COL5A1: variants seen among roughly 807,000 people sequenced by gnomAD.
The protein encoded by COL5A1 is collagen type V alpha 1 chain, also known as collagen alpha-1(V) chain.
COL5A1 carries 16 observed loss-of-function variants against 263.7 expected under a neutral mutation model. The observed-to-expected ratio is 0.06, with a 90% CI of 0.04 to 0.09. COL5A1 has a LOEUF of 0.09. Among genes scored for constraint, COL5A1 ranks in the 10% least tolerant of loss-of-function variants. The pLI is 1.00. For synonymous variants in COL5A1, 1,012 were observed against 1,004.5 expected (o/e 1.01, Z -0.14); for missense variants, 2,036 against 2,540.5 (o/e 0.80, Z 4.27).
intron 25 of COL5A1, 73 bp from the exon 26 acceptor site, chr9:134,772,717 G>T (rs190255610): frequency 2.8e-6 from 4 of 1,441,318 alleles, no homozygotes; most frequent in African/African-American, 1.4e-5. Flanking sequence ...TGGATGCTAC[G>T]CAGGGAGGGG....
In COL5A1 at chr9:134,818,818, C is replaced by T. The variant is rs1209945165; in HGVS notation, c.4339-30C>T. 1.2e-6 allele frequency: 2 copies of T among 1,612,934 alleles called. No homozygotes were observed. The highest frequency in any genetic ancestry group is 8.5e-7 in the Non-Finnish European group (1 of 1,179,706). ...GCCGAGTGGAGGGACGGGGGACCAG[C>T]AACTCATGCAGAGCGTCTCTGTGTT... On this transcript the variant is annotated intron_variant, in intron 55 of 65. Coordinates refer to ENST00000371817, the MANE Select transcript of COL5A1 (RefSeq NM_000093.5). This position sits in a 1 kb window ranked among gnomAD's most constrained non-coding sequence, Gnocchi z 6.0.
intron 1 of COL5A1, among the ~76,000 whole-genome samples, chr9:134,658,849 G>A (rs771095949): frequency 5.3e-5 from 8 of 152,200 alleles, no homozygotes; most frequent in Admixed American, 6.5e-5. Flanking sequence ...TCCGGAGCCC[G>A]GAAACTGAAA....
intron 42 of COL5A1, among the ~76,000 whole-genome samples, chr9:134,807,911 A>G (rs1266307942): frequency 1.3e-5 from 2 of 152,128 alleles, no homozygotes; most frequent in South Asian, 2.1e-4. Flanking sequence ...GAAACCTTGC[A>G]AGAGTTGCTC....
At chr9:134,808,363 A>C (rs1293536236) in intron 42 of COL5A1, among the ~76,000 whole-genome samples, 1 of 152,176 alleles carries the variant, frequency 6.6e-6, no homozygotes, top group South Asian at 2.1e-4. Flanking sequence ...GCAAGAACTT[A>C]AGAAGGATCA....
At chr9:134,711,840 G>A (rs868379018) in intron 4 of COL5A1, among the ~76,000 whole-genome samples, 3 of 151,894 alleles carry the variant, frequency 2.0e-5, no homozygotes, top group Admixed American at 6.6e-5. Context: ...CCCTTTCAGC[G>A]TCTCGTTCTC....
At chr9:134,785,776 G>A (rs1055714072) in intron 30 of COL5A1, among the ~76,000 whole-genome samples, 2 of 152,146 alleles carry the variant, frequency 1.3e-5, no homozygotes, top group African/African-American at 2.4e-5. Flanking sequence ...CTTCTTCCTC[G>A]GTGCAGGGAC....
rs1432525695 is a variant in COL5A1, at chr9:134,756,806, A to C, written c.1869A>C (p.Gln623His). ...ATGGAGCCAGAGGAATGCCTGGACA[A>C]ACTGGCCCCAAGGTAGGTCACCCAC... ...GSDGARGMPG[Q>H]TGPKGDRGFD... is the part of the protein sequence containing the mutation. The change falls in exon 17 of 66, where the codon CAA becomes CAC. Residue 623 changes from glutamine to histidine, a missense_variant. Physicochemically the swap from Gln to His is conservative, Grantham distance 24. Around this residue, in one of 3 missense-constraint regions of COL5A1, gnomAD observed 1,078 missense variants for 1,521.4 expected, o/e 0.71. Transcript: ENST00000371817. The C allele has an allele frequency of 1.2e-6, 2 of 1,613,998 alleles. No homozygotes were observed. Among genetic ancestry groups the C allele is most frequent in the East Asian group, 4.5e-5 (2 of 44,862 alleles).
chr9:134,643,762 A>G (rs1487075913), intron 1 of COL5A1, among the ~76,000 whole-genome samples: 1 of 152,142 alleles, frequency 6.6e-6, no homozygotes, highest in East Asian at 1.9e-4. Flanking sequence ...GGACTGTGCC[A>G]TTGCCGGGGG....
intron 9 of COL5A1, among the ~76,000 whole-genome samples, chr9:134,737,370 G>A (rs1433096537): frequency 2.0e-5 from 3 of 152,326 alleles, no homozygotes; most frequent in Non-Finnish European, 2.9e-5. Context: ...GTGCTGTGTC[G>A]CAACGTGGGG....
Position 134,835,039 on chromosome 9 carries a change from C to T in COL5A1, c.5205C>T (p.Ser1735=), listed in dbSNP as rs747118500. 54 of 1,613,300 alleles carry T rather than the reference C, an allele frequency of 3.3e-5. No individual in the cohort carries two copies. The highest frequency in any genetic ancestry group is 4.1e-5 in the Non-Finnish European group (48 of 1,180,016). ...AGATGACCTTCCTGCGGCTGCTGAGCGCCTCTGCCCACCAGAACGTCACCT... is the reference window on the plus strand; with the variant it reads ...AGATGACCTTCCTGCGGCTGCTGAGTGCCTCTGCCCACCAGAACGTCACCT... ...VVQMTFLRLL[S]ASAHQNVTYH... is the part of the protein sequence containing the mutation. The change falls in exon 65 of 66, where the codon AGC becomes AGT. Residue 1735 remains serine, a synonymous_variant. Coordinates refer to ENST00000371817, the MANE Select transcript of COL5A1 (RefSeq NM_000093.5).
chr9:134,757,114 G>A lies in COL5A1; in HGVS notation c.1881+296G>A, dbSNP rs1480794889. Among the ~76,000 whole-genome samples, 1 of 152,226 alleles carries A rather than the reference G, an allele frequency of 6.6e-6. No individual in the cohort carries two copies. Among genetic ancestry groups the A allele is most frequent in the South Asian group, 2.1e-4 (1 of 4,830 alleles). ...TGGCCGTGCAGGTGACGAGGCGCAT[G>A]TAGGGCAGAGGCGGGGCATATGGCA... On this transcript the variant is annotated intron_variant, in intron 17 of 65. Transcript: ENST00000371817. This position sits in a 1 kb window ranked among gnomAD's most constrained non-coding sequence, Gnocchi z 6.2.
chr9:134,789,970 T>C lies in COL5A1; in HGVS notation c.2700+762T>C, dbSNP rs1228418444. The stretch of plus-strand genomic sequence containing the variant: ...GAGAAAGGCCAGTCTGTGGTGTACA[T>C]GCAGGACAGCATCTGCAGAGCAGGC... On this transcript the variant is annotated intron_variant, in intron 32 of 65. Transcript: ENST00000371817. This position sits in a 1 kb window ranked among gnomAD's most constrained non-coding sequence, Gnocchi z 4.8. Among the ~76,000 whole-genome samples, 3 of 152,230 alleles carry C rather than the reference T, an allele frequency of 2.0e-5. No homozygotes were observed. The highest frequency in any genetic ancestry group is 2.9e-5 in the Non-Finnish European group (2 of 68,036).
intron 37 of COL5A1, 109 bp downstream of exon 37, chr9:134,798,570 G>GGAGC: frequency 3.2e-6 from 1 of 309,168 alleles, no homozygotes; most frequent in South Asian, 5.6e-5. Context: ...TGGCCTGGGA[G>GGAGC]AGACAGGTTG....
intron 1 of COL5A1, among the ~76,000 whole-genome samples, chr9:134,653,828 A>G (rs1267440951): frequency 6.7e-6 from 1 of 148,724 alleles, no homozygotes; most frequent in African/African-American, 2.5e-5. Context: ...GGGGGTGTGC[A>G]GGGCCGGGTG....
rs148788720 is a variant in COL5A1, at chr9:134,741,087, C to T, written c.1494+2279C>T. ...GAAGCCATCCCTGCTCACCGCTCAGCGCCCTCTTGATGTCCAGATCTTGCT... is the reference window on the plus strand; with the variant it reads ...GAAGCCATCCCTGCTCACCGCTCAGTGCCCTCTTGATGTCCAGATCTTGCT... On this transcript the variant is annotated intron_variant, in intron 11 of 65. Coordinates refer to ENST00000371817, the MANE Select transcript of COL5A1 (RefSeq NM_000093.5). This position sits in a 1 kb window ranked among gnomAD's most constrained non-coding sequence, Gnocchi z 4.5. Among the ~76,000 whole-genome samples the T allele has an allele frequency of 1.5e-3, 228 of 152,308 alleles. No individual in the cohort carries two copies. Among genetic ancestry groups the T allele is most frequent in the African/African-American group, 4.2e-3 (176 of 41,566 alleles).
At chr9:134,811,693 A>T in intron 46 of COL5A1, 94 bp downstream of exon 46, 1 of 1,147,248 alleles carries the variant, frequency 8.7e-7, no homozygotes, top group Non-Finnish European at 1.3e-6. Context: ...TTAAGAATGG[A>T]AAACTAAAGC....
chr9:134,642,923 C>T lies in COL5A1; in HGVS notation c.109+627C>T, dbSNP rs866411104. ...GTAGACAGCCCTGCTCCTAATCCCA[C>T]CCCCAAACTTCTTGATCCCTGGAAG... On this transcript the variant is annotated intron_variant, in intron 1 of 65. Transcript: ENST00000371817. The surrounding 1 kb of genome is among the most constrained non-coding windows in gnomAD (Gnocchi z 4.5). Among the ~76,000 whole-genome samples, 86 of 152,244 alleles carry T rather than the reference C, an allele frequency of 5.6e-4. No homozygotes were observed. Among genetic ancestry groups the T allele is most frequent in the African/African-American group, 2.0e-3 (81 of 41,470 alleles).
intron 65 of COL5A1, among the ~76,000 whole-genome samples, chr9:134,838,643 C>G (rs1421179090): frequency 3.3e-5 from 5 of 152,240 alleles, no homozygotes; most frequent in South Asian, 2.1e-4. Flanking sequence ...TTGGAAGTGT[C>G]TCTGCGTGCA....
chr9:134,719,929 G>T (rs1398312851), intron 4 of COL5A1, among the ~76,000 whole-genome samples: 1 of 152,188 alleles, frequency 6.6e-6, no homozygotes, highest in East Asian at 1.9e-4. Context: ...GCATCAGGTT[G>T]GTTCCTTGCG....
Sources: allele counts gnomAD v4.1 joint callset (sites outside exome capture counted in the v4.1 genomes callset), GRCh38; gene constraint gnomAD v4.1.1; regional missense constraint gnomAD v4.1.1; non-coding constraint Gnocchi (gnomAD v3.1); transcripts MANE v1.5; gene names NCBI Gene and HGNC (gene_info 2026-07-23, HGNC 2026-07-21).